DIS3L2: variants seen among roughly 807,000 people sequenced by gnomAD.
DIS3L2 encodes DIS3 like 3'-5' exoribonuclease 2.
A neutral mutation model predicts 97.5 loss-of-function variants in DIS3L2; 34 were observed. The ratio of observed to expected loss-of-function variants is 0.35; its 90% CI spans 0.27 to 0.46. DIS3L2 has a LOEUF of 0.46. Ranked by LOEUF, DIS3L2 falls within the 20% of genes least tolerant of loss-of-function variation. DIS3L2 has a pLI of 1.00. For synonymous variants in DIS3L2, 435 were observed against 445.2 expected, an observed-to-expected ratio of 0.98 and a Z score of 0.29; for missense variants, 1,038 against 1,146.0, an observed-to-expected ratio of 0.91 and a Z score of 1.36.
chr2:232,171,183 A>T (rs2106172078), intron 9 of DIS3L2, among the ~76,000 whole-genome samples: 1 of 152,304 alleles, frequency 6.6e-6, no homozygotes, highest in South Asian at 2.1e-4. Context: ...TTTTGACCAG[A>T]TTAGGATTTT....
chr2:232,086,634 T>TATATATATGTGTATATATATATACAC (rs1559613412), intron 5 of DIS3L2, among the ~76,000 whole-genome samples: 1 of 63,792 alleles, frequency 1.6e-5, no homozygotes, highest in African/African-American at 6.6e-5. Flanking sequence ...TATATACACA[T>TATATATATGTGTATATATATATACAC]ATATATATAT....
At chr2:232,205,553 C>T (rs1402440461) in intron 9 of DIS3L2, among the ~76,000 whole-genome samples, 12 of 151,986 alleles carry the variant, frequency 7.9e-5, no homozygotes, top group Admixed American at 2.0e-4. Context: ...CTGCCCACCG[C>T]GGCCTCCCAA....
intron 1 of DIS3L2, among the ~76,000 whole-genome samples, chr2:232,000,454 T>C (rs970224037): frequency 1.3e-5 from 2 of 152,188 alleles, no homozygotes; most frequent in African/African-American, 4.8e-5. Context: ...ACCACCATTC[T>C]CTGTTCCTAT....
At chr2:232,064,646 C>T (rs1350177210) in intron 5 of DIS3L2, among the ~76,000 whole-genome samples, 3 of 152,128 alleles carry the variant, frequency 2.0e-5, no homozygotes, top group Non-Finnish European at 4.4e-5. Flanking sequence ...TGTACCATTT[C>T]TCACTCCCAT....
At chr2:232,323,664 A>G (rs1192125053) in intron 14 of DIS3L2, among the ~76,000 whole-genome samples, 6 of 152,068 alleles carry the variant, frequency 3.9e-5, no homozygotes, top group Non-Finnish European at 8.8e-5. Context: ...CTGTGGTTTC[A>G]TGGGAACGTC....
chr2:231,971,668 G>A (rs1230010163), intron 1 of DIS3L2, among the ~76,000 whole-genome samples: 7 of 151,752 alleles, frequency 4.6e-5, no homozygotes, highest in African/African-American at 1.2e-4. Context: ...GGATGGTCTC[G>A]ATCTCCTGAC....
chr2:232,197,292 G>C (rs894434701), intron 9 of DIS3L2, among the ~76,000 whole-genome samples: 1 of 152,106 alleles, frequency 6.6e-6, no homozygotes, highest in African/African-American at 2.4e-5. Context: ...TACAATTTCT[G>C]TTTTATTTTT....
intron 10 of DIS3L2, among the ~76,000 whole-genome samples, chr2:232,212,062 GA>G (rs1559157287): frequency 1.3e-5 from 2 of 152,136 alleles, no homozygotes; most frequent in Non-Finnish European, 2.9e-5. Context: ...AGAAACAAGA[GA>G]AAAGGTCCCC....
chr2:232,037,570 G>A lies in DIS3L2; in HGVS notation c.366+7490G>A, dbSNP rs1694984813. 6.6e-6 allele frequency among the ~76,000 whole-genome samples: 1 copy of A among 152,128 alleles called. No individual in the cohort carries two copies. The highest frequency in any genetic ancestry group is 2.4e-5 in the African/African-American group (1 of 41,414). On this transcript the variant is annotated intron_variant, in intron 5 of 20. Coordinates refer to ENST00000325385, the MANE Select transcript of DIS3L2 (RefSeq NM_152383.5). The surrounding 1 kb of genome is among the most constrained non-coding windows in gnomAD (Gnocchi z 4.6). Reference sequence around the variant, plus strand: ...GTTCTCTCTCACTGGTATACCAGGAGTCACTGGGGTACGAAAAAAAACTCC... The same window carrying A: ...GTTCTCTCTCACTGGTATACCAGGAATCACTGGGGTACGAAAAAAAACTCC...
At chr2:231,979,566 G>A (rs919606642) in intron 1 of DIS3L2, among the ~76,000 whole-genome samples, 6 of 151,538 alleles carry the variant, frequency 4.0e-5, no homozygotes, top group Non-Finnish European at 7.4e-5. Flanking sequence ...ATTTAGGGAC[G>A]GAGTCAGGTA....
chr2:232,067,202 C>T (rs1362649678), intron 5 of DIS3L2, among the ~76,000 whole-genome samples: 4 of 152,076 alleles, frequency 2.6e-5, no homozygotes, highest in African/African-American at 4.8e-5. Context: ...TCTTATACTT[C>T]CCACCTCCAG....
chr2:232,060,922 T>C (rs554142081), intron 5 of DIS3L2, among the ~76,000 whole-genome samples: 1 of 152,262 alleles, frequency 6.6e-6, no homozygotes, highest in African/African-American at 2.4e-5. Context: ...GTAGCTATTA[T>C]AAATGTAATT....
rs1279998198 is a variant in DIS3L2, at chr2:232,216,785, A to G, written c.1204+6380A>G. On this transcript the variant is annotated intron_variant, in intron 10 of 20. Coordinates refer to ENST00000325385, the MANE Select transcript of DIS3L2 (RefSeq NM_152383.5). ...TGAAGAAGAAGGTGGGAGATGAATC[A>G]GAGCATAAGTGGAAGGTAAGGCCAA... Among the ~76,000 whole-genome samples, 3 of 152,198 alleles carry G rather than the reference A, an allele frequency of 2.0e-5. No homozygotes were observed. The East Asian group carries it at 5.8e-4, about 29-fold the overall frequency.
chr2:232,282,185 C>CT (rs968769215), intron 13 of DIS3L2, among the ~76,000 whole-genome samples: 1 of 149,680 alleles, frequency 6.7e-6, no homozygotes, highest in East Asian at 2.0e-4. Context: ...ACTCCCAGTC[C>CT]TTTTGAAACC....
chr2:232,121,616 A>G (rs1027023170), intron 6 of DIS3L2, among the ~76,000 whole-genome samples: 3 of 152,110 alleles, frequency 2.0e-5, no homozygotes, highest in East Asian at 3.9e-4. Context: ...TCATCAATCT[A>G]TAGTGGTGGC....
intron 5 of DIS3L2, 146 bp downstream of exon 5, chr2:232,030,226 C>T (rs1442571886): frequency 1.0e-5 from 7 of 667,090 alleles, no homozygotes; most frequent in South Asian, 5.6e-5. Context: ...AGCATGCTAC[C>T]GAATGCTTGG....
chr2:232,134,952 C>G (rs1027298210), intron 7 of DIS3L2, among the ~76,000 whole-genome samples: 2 of 152,022 alleles, frequency 1.3e-5, no homozygotes, highest in African/African-American at 4.8e-5. Context: ...ACTTGGAGAA[C>G]AGGCAAGGGT....
At chr2:231,975,501 G>A (rs995921799) in intron 1 of DIS3L2, among the ~76,000 whole-genome samples, 1 of 151,842 alleles carries the variant, frequency 6.6e-6, no homozygotes, top group African/African-American at 2.4e-5. Context: ...CGGAGATTGA[G>A]ACCATCCTGG....
chr2:232,185,441 G>T (rs182289475), intron 9 of DIS3L2, among the ~76,000 whole-genome samples: 1 of 152,122 alleles, frequency 6.6e-6, no homozygotes, highest in African/African-American at 2.4e-5. Flanking sequence ...GTGAGATGTC[G>T]CTAAAGCAGT....
Sources: gnomAD v4.1 joint callset for allele counts (sites outside exome capture counted in the v4.1 genomes callset) on GRCh38, gnomAD v4.1.1 for gene constraint, Gnocchi (gnomAD v3.1) non-coding constraint, MANE v1.5 for transcripts, NCBI Gene and HGNC (gene_info 2026-07-23, HGNC 2026-07-21) for gene names.